The following INPP4A variants were observed in gnomAD, a reference collection of about 807,000 sequenced individuals.
INPP4A encodes the protein inositol polyphosphate-4-phosphatase, type I, 107kD.
INPP4A carries 33 observed loss-of-function variants against 119.8 expected under a neutral mutation model. That is an observed-to-expected ratio of 0.28 (90% CI 0.21 to 0.37). The LOEUF (loss-of-function observed/expected upper bound fraction) is 0.37. INPP4A is among the 10% of genes least tolerant of loss of function. The pLI is 1.00. For synonymous variants in INPP4A, 496 were observed against 500.7 expected (o/e 0.99, Z 0.12); for missense variants, 956 against 1,289.9 (o/e 0.74, Z 3.97).
rs777176771 is a variant in INPP4A at position 98,533,409 on chromosome 2, C to T, written c.184C>T (p.Arg62Ter). 1 of 1,613,534 alleles carries T rather than the reference C, an allele frequency of 6.2e-7. No homozygotes were observed. The highest frequency in any genetic ancestry group is 8.5e-7 in the Non-Finnish European group (1 of 1,179,702). The part of the protein sequence containing the change: ...CSELHTPSLD[R>*]KPNSFVAVSV... ...TGAGCTGCATACTCCATCGCTAGAT[C>T]GAAAGCCAAATAGTTTTGTTGCGGT... is the stretch of plus-strand genomic sequence containing the variant. The change falls in exon 5 of 25, where the codon CGA becomes TGA. Residue 62 changes from arginine to a stop codon, truncating the protein, a stop_gained. Coordinates refer to ENST00000409851, the MANE Select transcript of INPP4A (RefSeq NM_001134225.2). LOFTEE classifies it high-confidence loss of function.
At chr2:98,446,383 G>A (rs1694193516) in intron 1 of INPP4A, among the ~76,000 whole-genome samples, 1 of 152,186 alleles carries the variant, frequency 6.6e-6, no homozygotes, top group Non-Finnish European at 1.5e-5. Context: ...TTTCTTTGAA[G>A]AAAGATGAAT....
In INPP4A at chr2:98,571,362, C is replaced by T. The variant is rs114217948; in HGVS notation, c.2519-1453C>T. 3.9e-3 allele frequency among the ~76,000 whole-genome samples: 595 copies of T among 152,270 alleles called. 6 individuals are homozygous for T. The highest frequency in any genetic ancestry group is 0.013 in the African/African-American group (556 of 41,542). Reference sequence around the variant, plus strand: ...GCTGTAGGGGAGAGGATGGGCCCACCGGCAGGGCCAGCCAAGGAGCCACGA... The same window carrying T: ...GCTGTAGGGGAGAGGATGGGCCCACTGGCAGGGCCAGCCAAGGAGCCACGA... On this transcript the variant is annotated intron_variant, in intron 22 of 24. Transcript: ENST00000409851.
rs1295022494 is a variant in INPP4A at position 98,476,935 on chromosome 2, TG to T, written c.-166+31852del. Among the ~76,000 whole-genome samples the T allele has an allele frequency of 7.2e-5, 11 of 152,346 alleles. No individual in the cohort carries two copies. The East Asian group carries it at 2.1e-3, about 29-fold the overall frequency. On this transcript the variant is annotated intron_variant, in intron 1 of 24. Transcript: ENST00000409851. ...CCTTGCTGTCCTTGATCCAGCGGCA[TG>T]GCCTGAGTGCCTCCATCCCCCTGTT...
intron 24 of INPP4A, among the ~76,000 whole-genome samples, chr2:98,583,430 G>A (rs1237386000): frequency 6.6e-6 from 1 of 152,140 alleles, no homozygotes; most frequent in Non-Finnish European, 1.5e-5. Context: ...TCCTCACGTG[G>A]CATTCCCTGC....
At chr2:98,512,031 GCT>G (rs544924744) in intron 1 of INPP4A, among the ~76,000 whole-genome samples, 225 of 152,332 alleles carry the variant, frequency 1.5e-3, no homozygotes, top group Middle Eastern at 3.4e-3. Flanking sequence ...GGGCTTCCAG[GCT>G]CACAGATGGC....
At chr2:98,486,466 T>C (rs1301761177) in intron 1 of INPP4A, among the ~76,000 whole-genome samples, 2 of 152,216 alleles carry the variant, frequency 1.3e-5, no homozygotes, top group Non-Finnish European at 2.9e-5. Flanking sequence ...CACACCTTCC[T>C]GACCCTCCCT....
chr2:98,517,309 C>T (rs1686334581), intron 1 of INPP4A, among the ~76,000 whole-genome samples: 1 of 152,200 alleles, frequency 6.6e-6, no homozygotes, highest in Admixed American at 6.5e-5. Context: ...GTGAATGTTG[C>T]TGTTCTAAAC....
At chr2:98,510,251 A>G (rs542116828) in intron 1 of INPP4A, among the ~76,000 whole-genome samples, 3 of 152,280 alleles carry the variant, frequency 2.0e-5, no homozygotes, top group East Asian at 3.9e-4. Flanking sequence ...GGAGGCCAGG[A>G]TGTTATTTCT....
chr2:98,506,945 T>C (rs1357712980), intron 1 of INPP4A, among the ~76,000 whole-genome samples: 2 of 152,250 alleles, frequency 1.3e-5, no homozygotes, highest in Admixed American at 1.3e-4. Context: ...CTTGATTTCA[T>C]TCAGAGGAGG....
At chr2:98,514,338 T>A (rs1574853055) in intron 1 of INPP4A, among the ~76,000 whole-genome samples, 1 of 152,304 alleles carries the variant, frequency 6.6e-6, no homozygotes, top group East Asian at 1.9e-4. Flanking sequence ...CCTGAGGTAT[T>A]CTTAGAATCT....
At chr2:98,470,848 A>G (rs148249121) in intron 1 of INPP4A, among the ~76,000 whole-genome samples, 168 of 152,018 alleles carry the variant, frequency 1.1e-3, no homozygotes, top group African/African-American at 3.8e-3. Flanking sequence ...TTGTATTTTT[A>G]GTAGAGACGG....
chr2:98,559,392 G>A, intron 16 of INPP4A, 71 bp from the exon 17 acceptor site: 6 of 1,564,616 alleles, frequency 3.8e-6, no homozygotes, highest in Non-Finnish European at 5.3e-6. Context: ...CTGCTGCTCT[G>A]AGATTGAGTT....
chr2:98,532,173 G>C (rs750580542), intron 4 of INPP4A, among the ~76,000 whole-genome samples: 3 of 152,092 alleles, frequency 2.0e-5, no homozygotes, highest in Non-Finnish European at 4.4e-5. Flanking sequence ...AACATGCCAA[G>C]GTATTGCTCT....
intron 17 of INPP4A, among the ~76,000 whole-genome samples, chr2:98,560,022 A>G (rs1013665786): frequency 6.6e-6 from 1 of 152,222 alleles, no homozygotes; most frequent in Non-Finnish European, 1.5e-5. Flanking sequence ...CCACTTGTTC[A>G]TGTATTGTCT....
chr2:98,472,648 C>T (rs1000641716), intron 1 of INPP4A, among the ~76,000 whole-genome samples: 1 of 152,250 alleles, frequency 6.6e-6, no homozygotes, highest in Non-Finnish European at 1.5e-5. Context: ...TAGCCCCAGC[C>T]CAGGGCTCAC....
intron 13 of INPP4A, among the ~76,000 whole-genome samples, chr2:98,550,625 G>A (rs1019757769): frequency 1.1e-4 from 16 of 152,180 alleles, no homozygotes; most frequent in African/African-American, 3.9e-4. Context: ...CCTCCATCCT[G>A]CCGCCCTCAT....
intron 1 of INPP4A, among the ~76,000 whole-genome samples, chr2:98,507,911 C>G (rs979126241): frequency 6.6e-6 from 1 of 152,192 alleles, no homozygotes; most frequent in Non-Finnish European, 1.5e-5. Flanking sequence ...GTGTCTTAGC[C>G]AGGCTAGCAG....
chr2:98,530,312 C>T (rs957017866), intron 4 of INPP4A, among the ~76,000 whole-genome samples: 1 of 151,914 alleles, frequency 6.6e-6, no homozygotes, highest in Non-Finnish European at 1.5e-5. Context: ...ACAGTGGTTC[C>T]CAAGAGAAAG....
chr2:98,496,199 C>T lies in INPP4A; in HGVS notation c.-165-22765C>T, dbSNP rs142241561. On this transcript the variant is annotated intron_variant, in intron 1 of 24. Transcript: ENST00000409851. ...CCCATCATAGCCTTAACTAGATATT[C>T]GGGTTTACTTTGAAATGCTCCTCTC... Among the ~76,000 whole-genome samples, 496 of 152,210 alleles carry T rather than the reference C, an allele frequency of 3.3e-3. 1 individual carries two copies. Among genetic ancestry groups the T allele is most frequent in the Middle Eastern group, 6.8e-3 (2 of 294 alleles).
Sources: allele counts gnomAD v4.1 joint callset (sites outside exome capture counted in the v4.1 genomes callset), GRCh38; gene constraint gnomAD v4.1.1; transcripts MANE v1.5; gene names NCBI Gene and HGNC (gene_info 2026-07-23, HGNC 2026-07-21).